The following DTWD2 variants were observed in gnomAD, a reference collection of about 807,000 sequenced individuals.
DTWD2 encodes DTW motif tRNA-uridine aminocarboxypropyltransferase 2.
A neutral mutation model predicts 31.8 loss-of-function variants in DTWD2; 39 were observed. That is an observed-to-expected ratio of 1.22 (90% CI 0.95 to 1.60). The LOEUF is 1.60. Ranked by LOEUF, DTWD2 falls within the 40% of genes most tolerant of loss-of-function variation. The pLI is 0.00. For synonymous variants in DTWD2, 180 were observed against 142.8 expected, an observed-to-expected ratio of 1.26 and a Z score of -1.86; for missense variants, 515 against 381.5, an observed-to-expected ratio of 1.35 and a Z score of -2.92.
intron 4 of DTWD2, among the ~76,000 whole-genome samples, chr5:118,875,231 T>C (rs1226138156): frequency 1.3e-5 from 2 of 152,116 alleles, no homozygotes; most frequent in African/African-American, 2.4e-5. Flanking sequence ...GAAAGACCAC[T>C]ACAGCCACTA....
chr5:118,846,033 T>A (rs1751845092), intron 5 of DTWD2, among the ~76,000 whole-genome samples: 1 of 152,174 alleles, frequency 6.6e-6, no homozygotes, highest in African/African-American at 2.4e-5. Flanking sequence ...CCTAACTATA[T>A]AATGTTATAT....
At chr5:118,901,143 T>C (rs1014548719) in intron 4 of DTWD2, among the ~76,000 whole-genome samples, 2 of 152,126 alleles carry the variant, frequency 1.3e-5, no homozygotes, top group African/African-American at 4.8e-5. Context: ...GAACTTCTAA[T>C]GCCACTCAGT....
chr5:118,917,811 A>T (rs955155423), intron 4 of DTWD2, among the ~76,000 whole-genome samples: 12 of 152,088 alleles, frequency 7.9e-5, no homozygotes, highest in African/African-American at 2.9e-4. Flanking sequence ...GTCTCTACTA[A>T]ATTATTAGCC....
intron 1 of DTWD2, among the ~76,000 whole-genome samples, chr5:118,978,304 C>T (rs978318064): frequency 2.0e-5 from 3 of 152,182 alleles, no homozygotes; most frequent in Non-Finnish European, 4.4e-5. Flanking sequence ...CCATTCAGGA[C>T]GTTGGCACGG....
At chr5:118,898,155 A>C (rs1257907372) in intron 4 of DTWD2, among the ~76,000 whole-genome samples, 1 of 152,150 alleles carries the variant, frequency 6.6e-6, no homozygotes, top group African/African-American at 2.4e-5. Context: ...ATGAGCCACC[A>C]TGCCCAGCCA....
At chr5:118,881,232 G>A (rs532667629) in intron 4 of DTWD2, among the ~76,000 whole-genome samples, 22 of 152,220 alleles carry the variant, frequency 1.4e-4, no homozygotes, top group Admixed American at 1.4e-3. Context: ...TAAGTCACAT[G>A]AATTTCACAA....
intron 4 of DTWD2, among the ~76,000 whole-genome samples, chr5:118,861,993 G>A (rs1000228708): frequency 5.9e-5 from 9 of 152,170 alleles, no homozygotes; most frequent in African/African-American, 1.2e-4. Context: ...GCCATGGACC[G>A]GTACCGTTCT....
At position 118,840,694 on chromosome 5, in the gene DTWD2, T is replaced by G. The variant is rs1406493518; in HGVS notation, c.*223A>C. On this transcript the variant is annotated 3_prime_UTR_variant, in exon 6 of 6. Transcript: ENST00000510708. ...TTGAAAACATGTATTAGAGGCACAT[T>G]TTTAAAAACAAGTACAGTAGGAAAT... 1 of 372,872 alleles carries G rather than the reference T, an allele frequency of 2.7e-6. No homozygotes were observed. The highest frequency in any genetic ancestry group is 4.5e-6 in the Non-Finnish European group (1 of 222,634). 23.1% of individuals were successfully genotyped at this position (372,872 alleles called of 1,614,324 possible). A position where few individuals can be genotyped will look rare whatever the true frequency, so the allele number is the denominator to read the frequency against.
intron 5 of DTWD2, among the ~76,000 whole-genome samples, chr5:118,844,221 C>T (rs1751792970): frequency 6.6e-6 from 1 of 152,180 alleles, no homozygotes; most frequent in Admixed American, 6.5e-5. Context: ...TGACAGTTTT[C>T]AAGGAACCAT....
intron 4 of DTWD2, among the ~76,000 whole-genome samples, chr5:118,885,623 G>A (rs1441326314): frequency 6.6e-6 from 1 of 151,750 alleles, no homozygotes; most frequent in African/African-American, 2.4e-5. Context: ...AAATTAGCCA[G>A]GCGTGGTGGC....
At chr5:118,919,207 C>A (rs901782395) in intron 4 of DTWD2, among the ~76,000 whole-genome samples, 2 of 152,222 alleles carry the variant, frequency 1.3e-5, no homozygotes, top group Non-Finnish European at 2.9e-5. Flanking sequence ...ATGTCATCAT[C>A]TGCTGGTGCA....
intron 4 of DTWD2, among the ~76,000 whole-genome samples, chr5:118,907,105 A>C (rs1194054033): frequency 6.6e-6 from 1 of 152,220 alleles, no homozygotes; most frequent in Non-Finnish European, 1.5e-5. Context: ...GCTCCAATAG[A>C]AACTATGCTT....
chr5:118,884,589 T>G lies in DTWD2; in HGVS notation c.598-36371A>C, dbSNP rs7735803. 5.0e-3 allele frequency among the ~76,000 whole-genome samples: 761 copies of G among 152,330 alleles called. 6 individuals carry two copies. The highest frequency in any genetic ancestry group is 0.017 in the African/African-American group (715 of 41,578). ...TACTTTCTGAAAATATTTCACACTT[T>G]AGCCAATTAAAATTTTTTTAATCAT... is the stretch of plus-strand genomic sequence containing the variant. On this transcript the variant is annotated intron_variant, in intron 4 of 5. Coordinates refer to ENST00000510708, the MANE Select transcript of DTWD2 (RefSeq NM_173666.4).
rs138724906 is a variant in DTWD2, at chr5:118,886,500, G to A, written c.598-38282C>T. Among the ~76,000 whole-genome samples, 20 of 152,316 alleles carry A rather than the reference G, an allele frequency of 1.3e-4. No individual in the cohort carries two copies. The East Asian group carries it at 3.9e-3, about 29-fold the overall frequency. On this transcript the variant is annotated intron_variant, in intron 4 of 5. Coordinates refer to ENST00000510708, the MANE Select transcript of DTWD2 (RefSeq NM_173666.4). ...ATGCAGTTGAAAACTGGGTTTATGG[G>A]ACAAATATAAGTTAATCTGAGGAAT...
intron 4 of DTWD2, among the ~76,000 whole-genome samples, chr5:118,866,373 C>T (rs1261168059): frequency 1.3e-5 from 2 of 152,254 alleles, no homozygotes; most frequent in East Asian, 1.9e-4. Context: ...CAGAATCAGA[C>T]ACATACTATT....
chr5:118,842,445 A>G (rs1243411147), intron 5 of DTWD2, among the ~76,000 whole-genome samples: 1 of 152,192 alleles, frequency 6.6e-6, no homozygotes, highest in Non-Finnish European at 1.5e-5. Context: ...TGTGACTACT[A>G]GGCAACAAAC....
intron 4 of DTWD2, among the ~76,000 whole-genome samples, chr5:118,861,885 A>G (rs1752267845): frequency 6.6e-6 from 1 of 152,218 alleles, no homozygotes; most frequent in Non-Finnish European, 1.5e-5. Flanking sequence ...TTGAGCTGAG[A>G]GCTGAAGAGC....
At chr5:118,898,479 G>A (rs2149564057) in intron 4 of DTWD2, among the ~76,000 whole-genome samples, 1 of 151,460 alleles carries the variant, frequency 6.6e-6, no homozygotes, top group Admixed American at 6.6e-5. Context: ...CCAACATGGT[G>A]AAACCCCGTC....
intron 5 of DTWD2, among the ~76,000 whole-genome samples, chr5:118,846,715 G>A (rs1261415277): frequency 1.3e-5 from 2 of 152,064 alleles, no homozygotes; most frequent in African/African-American, 4.8e-5. Context: ...AAATAAAACA[G>A]AAAGACACAT....
Sources: allele counts gnomAD v4.1 joint callset (sites outside exome capture counted in the v4.1 genomes callset), GRCh38; gene constraint gnomAD v4.1.1; transcripts MANE v1.5; gene names NCBI Gene and HGNC (gene_info 2026-07-23, HGNC 2026-07-21).